The following INTS2 variants were observed in gnomAD, a reference collection of about 807,000 sequenced individuals.
INTS2 encodes KIAA1287.
In INTS2, 57 loss-of-function variants were observed where a neutral mutation model predicts 139.6. The ratio of observed to expected loss-of-function variants is 0.41; its 90% CI spans 0.33 to 0.51. The LOEUF is 0.51. Among genes scored for constraint, INTS2 ranks in the 20% least tolerant of loss-of-function variants. INTS2 has a pLI of 0.28. For synonymous variants in INTS2, 473 were observed against 493.4 expected (o/e 0.96, Z 0.55); for missense variants, 1,196 against 1,436.7 (o/e 0.83, Z 2.71).
Position 61,872,171 on chromosome 17 carries a change from A to T in INTS2, c.2778+94T>A. 1 of 662,524 alleles carries T rather than the reference A, an allele frequency of 1.5e-6. No homozygotes were observed. Among genetic ancestry groups the T allele is most frequent in the Non-Finnish European group, 2.5e-6 (1 of 394,570 alleles). The allele number at this position is 662,524 out of a possible 1,614,324, so 41.0% of individuals were successfully genotyped here. On this transcript the variant is annotated intron_variant, in intron 20 of 24. Transcript: ENST00000251334. The surrounding 1 kb of genome is among the most constrained non-coding windows in gnomAD (Gnocchi z 4.8). ...GAAATGCACAATATGTCACCAATGT[A>T]CATGGAGCGCACAATGTGCCATCTA...
chr17:61,904,599 C>A lies in INTS2; in HGVS notation c.1182-14G>T. Reference sequence around the variant, plus strand: ...TCTTCAGTTGGTCTAAAAAGGAATACATCATTAGGCTTTACATTTTTAGTT... The same window carrying A: ...TCTTCAGTTGGTCTAAAAAGGAATAAATCATTAGGCTTTACATTTTTAGTT... On this transcript the variant is annotated splice_polypyrimidine_tract_variant and intron_variant, in intron 8 of 24. Coordinates refer to ENST00000251334, the MANE Select transcript of INTS2 (RefSeq NM_001351695.2). 6.4e-7 allele frequency: 1 copy of A among 1,573,124 alleles called. No homozygotes were observed. The highest frequency in any genetic ancestry group is 8.6e-7 in the Non-Finnish European group (1 of 1,162,442).
Position 61,867,529 on chromosome 17 carries a change from A to G in INTS2, c.*28T>C, listed in dbSNP as rs775245724. 1.3e-6 allele frequency: 2 copies of G among 1,509,548 alleles called. No homozygotes were observed. The highest frequency in any genetic ancestry group is 1.8e-6 in the Non-Finnish European group (2 of 1,099,264). 93.5% of individuals were successfully genotyped at this position (1,509,548 alleles called of 1,614,324 possible). ...GATTCATGTTGGGTATATGCAGCAA[A>G]CAACTTTTTGTTGTTTTAAATTTTG... On this transcript the variant is annotated 3_prime_UTR_variant, in exon 25 of 25. Transcript: ENST00000251334. The surrounding 1 kb of genome is among the most constrained non-coding windows in gnomAD (Gnocchi z 5.6).
At chr17:61,886,687 C>A (rs193246369) in intron 15 of INTS2, among the ~76,000 whole-genome samples, 1 of 152,256 alleles carries the variant, frequency 6.6e-6, no homozygotes, top group Non-Finnish European at 1.5e-5. Flanking sequence ...TGCCTGGCAC[C>A]CAAAGCTCAT....
Position 61,895,386 on chromosome 17 carries a change from A to G in INTS2, c.1495-3T>C, listed in dbSNP as rs547030289. 9.7e-5 allele frequency: 149 copies of G among 1,542,670 alleles called. 2 individuals are homozygous for G. The South Asian group carries it at 1.1e-3, about 11-fold the overall frequency. On this transcript the variant is annotated splice_region_variant and splice_polypyrimidine_tract_variant and intron_variant, in intron 11 of 24. Transcript: ENST00000251334. ...AAGGAGCTTGGCTTAATTACAATCT[A>G]AAATTACCAAAAGAATTCCAACAGC... is the stretch of plus-strand genomic sequence containing the variant.
chr17:61,907,724 T>C (rs2079481096), intron 7 of INTS2, 90 bp from the exon 8 acceptor site: 2 of 980,710 alleles, frequency 2.0e-6, no homozygotes, highest in Admixed American at 4.8e-5. Flanking sequence ...ACTTAAACAC[T>C]TTCAAATTGG....
In INTS2 at chr17:61,912,067, C is replaced by A; in HGVS notation, c.653G>T (p.Cys218Phe). Residue 218 changes from cysteine to phenylalanine, a missense_variant, in exon 6 of 25, where the codon TGT (cysteine) becomes TTT (phenylalanine). Cys to Phe is a radical substitution (Grantham distance 205, BLOSUM62 -2). This residue lies in a region of INTS2 where 1,129 missense variants were observed against 1,341.9 expected (regional missense o/e 0.84). Coordinates refer to ENST00000251334, the MANE Select transcript of INTS2 (RefSeq NM_001351695.2). ...TTCTCCATTTTTTATCAGGCCCCTACAAACTAACATGATAGAAACCATCTT... is the reference window on the plus strand; with the variant it reads ...TTCTCCATTTTTTATCAGGCCCCTAAAAACTAACATGATAGAAACCATCTT... ...ANVPDSFNEV[C>F]RGLIKNGERQ... The A allele has an allele frequency of 6.2e-7, 1 of 1,613,224 alleles. No homozygotes were observed.
intron 9 of INTS2, among the ~76,000 whole-genome samples, chr17:61,901,141 G>A (rs557803942): frequency 6.6e-6 from 1 of 152,076 alleles, no homozygotes; most frequent in South Asian, 2.1e-4. Flanking sequence ...AGCCAGGTGT[G>A]GTGGCCCACA....
chr17:61,907,375 G>T, intron 8 of INTS2, 33 bp downstream of exon 8: 1 of 1,509,234 alleles, frequency 6.6e-7, no homozygotes, highest in East Asian at 2.4e-5. Context: ...AAGGTAAAAT[G>T]ACAAAAAGGT....
Position 61,872,990 on chromosome 17 carries a change from G to A in INTS2, c.2583-530C>T, listed in dbSNP as rs975771136. 6.6e-6 allele frequency among the ~76,000 whole-genome samples: 1 copy of A among 152,160 alleles called. No homozygotes were observed. Among genetic ancestry groups the A allele is most frequent in the Non-Finnish European group, 1.5e-5 (1 of 68,026 alleles). ...ATACTATCAAACACTGCTATGGAAT[G>A]TAAACCAGTTCAGCCTTTCTACATA... On this transcript the variant is annotated intron_variant, in intron 19 of 24. Coordinates refer to ENST00000251334, the MANE Select transcript of INTS2 (RefSeq NM_001351695.2). This position sits in a 1 kb window ranked among gnomAD's most constrained non-coding sequence, Gnocchi z 4.8.
At chr17:61,886,656 T>C (rs980192148) in intron 15 of INTS2, among the ~76,000 whole-genome samples, 1 of 152,236 alleles carries the variant, frequency 6.6e-6, no homozygotes, top group Non-Finnish European at 1.5e-5. Context: ...TTTCTCTGTC[T>C]CATCTCTACT....
rs2079528716 is a variant in INTS2 at position 61,911,747 on chromosome 17, T to C, written c.781-54A>G. ...TCAGTATCATAAGCAAAAAGGCCAGTGATGCTTCCAAATCTAAAGTATCTA... is the reference window on the plus strand; with the variant it reads ...TCAGTATCATAAGCAAAAAGGCCAGCGATGCTTCCAAATCTAAAGTATCTA... On this transcript the variant is annotated intron_variant, in intron 6 of 24. Transcript: ENST00000251334. 5.2e-6 allele frequency: 8 copies of C among 1,546,114 alleles called. No homozygotes were observed. In the South Asian group the frequency reaches 8.3e-5, roughly 16 times the overall value.
chr17:61,916,295 A>G (rs1193067746), intron 5 of INTS2, among the ~76,000 whole-genome samples: 9 of 151,688 alleles, frequency 5.9e-5, no homozygotes, highest in Non-Finnish European at 1.3e-4. Context: ...TTAGCCAGGC[A>G]TGGTAGTGGG....
chr17:61,891,842 C>T (rs1302609728), intron 13 of INTS2, among the ~76,000 whole-genome samples, 153 bp from the exon 14 acceptor site: 1 of 152,030 alleles, frequency 6.6e-6, no homozygotes, highest in African/African-American at 2.4e-5. Flanking sequence ...AGTATCATAA[C>T]TGCCTTTGAT....
chr17:61,905,333 TTTC>T (rs1043995860), intron 8 of INTS2, among the ~76,000 whole-genome samples: 1 of 152,198 alleles, frequency 6.6e-6, no homozygotes. Flanking sequence ...GTTTTCTTTC[TTTC>T]TTTTTTTTGA....
chr17:61,884,941 G>A lies in INTS2; in HGVS notation c.2049C>T (p.Phe683=), dbSNP rs781725552. The A allele has an allele frequency of 3.7e-6, 6 of 1,609,382 alleles. No homozygotes were observed. The South Asian group carries it at 6.7e-5, about 18-fold the overall frequency. The change falls in exon 16 of 25, where the codon TTC becomes TTT. Residue 683 remains phenylalanine, a synonymous_variant. Coordinates refer to ENST00000251334, the MANE Select transcript of INTS2 (RefSeq NM_001351695.2). ...SSLMDQIPIK[F]LIRQAQGLQQ... Reference sequence around the variant, plus strand: ...GCAGCCCTTGAGCCTGTCGAATAAGGAATTTGATAGGAATCTGATCCATTA... The same window carrying A: ...GCAGCCCTTGAGCCTGTCGAATAAGAAATTTGATAGGAATCTGATCCATTA...
chr17:61,913,053 G>A (rs1219788088), intron 5 of INTS2, among the ~76,000 whole-genome samples: 2 of 152,116 alleles, frequency 1.3e-5, no homozygotes, highest in African/African-American at 4.8e-5. Flanking sequence ...TTCAGCCTGG[G>A]TGACACAGCA....
intron 5 of INTS2, among the ~76,000 whole-genome samples, chr17:61,914,213 G>GCTGAC (rs2079554584): frequency 6.6e-6 from 1 of 152,028 alleles, no homozygotes; most frequent in Non-Finnish European, 1.5e-5. Context: ...TTATAAGAAA[G>GCTGAC]ATGACATGGC....
rs763278626 is a variant in INTS2, at chr17:61,911,571, T to C, written c.903A>G (p.Thr301=). The change falls in exon 7 of 25, where the codon ACA becomes ACG. Residue 301 remains threonine, a synonymous_variant. Coordinates refer to ENST00000251334, the MANE Select transcript of INTS2 (RefSeq NM_001351695.2). ...CAAACCAAGTCCGGACTTTCGCATT[T>C]GTTCCAAGAAGCAAACCACTTACAA... ...VCFVSGLLLG[T]NAKVRTWFGT... is the part of the protein sequence containing the mutation. 3 of 1,614,038 alleles carry C rather than the reference T, an allele frequency of 1.9e-6. No homozygotes were observed. Among genetic ancestry groups the C allele is most frequent in the Non-Finnish European group, 2.5e-6 (3 of 1,179,894 alleles).
At chr17:61,922,673 C>A (rs781272377) in intron 3 of INTS2, among the ~76,000 whole-genome samples, 20 of 151,462 alleles carry the variant, frequency 1.3e-4, no homozygotes, top group Non-Finnish European at 2.7e-4. Context: ...ATGAAGAGTG[C>A]CAAACTAAAA....
Sources: allele counts gnomAD v4.1 joint callset (sites outside exome capture counted in the v4.1 genomes callset), GRCh38; gene constraint gnomAD v4.1.1; regional missense constraint gnomAD v4.1.1; non-coding constraint Gnocchi (gnomAD v3.1); transcripts MANE v1.5; gene names NCBI Gene and HGNC (gene_info 2026-07-23, HGNC 2026-07-21).